The following RAB11FIP3 variants were observed in gnomAD, a reference collection of about 807,000 sequenced individuals.
RAB11FIP3 encodes RAB11 family interacting protein 3.
In RAB11FIP3, 17 loss-of-function variants were observed where a neutral mutation model predicts 77.8. The ratio of observed to expected loss-of-function variants is 0.22; its 90% CI spans 0.15 to 0.33. The LOEUF (loss-of-function observed/expected upper bound fraction) is 0.33, where lower values mean the gene tolerates loss of function less well. Among genes scored for constraint, RAB11FIP3 ranks in the 10% least tolerant of loss-of-function variants. RAB11FIP3 has a pLI of 1.00. For synonymous variants in RAB11FIP3, 437 were observed against 448.2 expected (o/e 0.98, Z 0.31); for missense variants, 1,005 against 1,011.2 (o/e 0.99, Z 0.08).
intron 2 of RAB11FIP3, among the ~76,000 whole-genome samples, chr16:468,132 A>T (rs370147053): frequency 5.5e-3 from 96 of 17,476 alleles, no homozygotes; most frequent in Non-Finnish European, 5.8e-3. Flanking sequence ...GAGGAGGTGC[A>T]GGGGCCTCAG....
intron 10 of RAB11FIP3, 79 bp from the exon 11 acceptor site, chr16:519,675 G>A: frequency 6.5e-7 from 1 of 1,549,912 alleles, no homozygotes; most frequent in South Asian, 1.2e-5. Flanking sequence ...TCAGAGATTG[G>A]AGGGACAGAC....
intron 5 of RAB11FIP3, among the ~76,000 whole-genome samples, chr16:493,872 T>C (rs1434813280): frequency 7.0e-6 from 1 of 143,374 alleles, no homozygotes; most frequent in African/African-American, 2.6e-5. Flanking sequence ...GATTACAGGC[T>C]GAGCCACTGC....
intron 1 of RAB11FIP3, among the ~76,000 whole-genome samples, chr16:454,346 GTTGGAGGA>G: frequency 6.6e-6 from 1 of 152,310 alleles, no homozygotes; most frequent in East Asian, 1.9e-4. Flanking sequence ...CTGGAGGTCA[GTTGGAGGA>G]TTGCTGGAGT....
At position 519,803 on chromosome 16, in the gene RAB11FIP3, G is replaced by A. The variant is rs1178734040; in HGVS notation, c.1772G>A (p.Ser591Asn). The change falls in exon 11 of 14, where the codon AGT becomes AAT. Residue 591 changes from serine to asparagine, a missense_variant. By Grantham distance (46) the Ser-to-Asn change is conservative. Around this residue, in one of 4 missense-constraint regions of RAB11FIP3, gnomAD observed 433 missense variants for 436.1 expected, o/e 0.99. Coordinates refer to ENST00000262305, the MANE Select transcript of RAB11FIP3 (RefSeq NM_014700.4). ...ATAGAGTCGCTGACGCTGCGGCTCA[G>A]TGAAGAGCAGGAGAACAAGAGGAGA... Reference protein sequence around the residue: ...DEIESLTLRLSEEQENKRRMG... With the variant: ...DEIESLTLRLNEEQENKRRMG... 1 of 1,609,580 alleles carries A rather than the reference G, an allele frequency of 6.2e-7. No individual in the cohort carries two copies. Among genetic ancestry groups the A allele is most frequent in the African/African-American group, 1.3e-5 (1 of 74,884 alleles).
chr16:505,686 G>T lies in RAB11FIP3; in HGVS notation c.1499+59G>T. ...TGGCGCCTCCTGTGCCCGCCTGTCA[G>T]CCCCCATTTACTTCTCTTTACCTCA... On this transcript the variant is annotated intron_variant, in intron 8 of 13. Transcript: ENST00000262305. This position sits in a 1 kb window ranked among gnomAD's most constrained non-coding sequence, Gnocchi z 4.0. The T allele has an allele frequency of 7.1e-7, 1 of 1,401,544 alleles. No individual in the cohort carries two copies. Among genetic ancestry groups the T allele is most frequent in the Non-Finnish European group, 9.7e-7 (1 of 1,030,896 alleles). The allele number at this position is 1,401,544 out of a possible 1,614,324, so 86.8% of individuals were successfully genotyped here.
At chr16:449,215 C>T (rs1046048086) in intron 1 of RAB11FIP3, among the ~76,000 whole-genome samples, 3 of 152,184 alleles carry the variant, frequency 2.0e-5, no homozygotes, top group Non-Finnish European at 2.9e-5. Flanking sequence ...TAGCTATTCC[C>T]TCTGCCTGGA....
Position 461,566 on chromosome 16 carries a change from C to T in RAB11FIP3, c.808+69C>T. The T allele has an allele frequency of 1.6e-6, 2 of 1,276,144 alleles. No homozygotes were observed. The highest frequency in any genetic ancestry group is 2.3e-6 in the Non-Finnish European group (2 of 878,308). The allele number at this position is 1,276,144 out of a possible 1,614,324, so 79.1% of individuals were successfully genotyped here. ...TCAGCCACCCTCTCAGCCACCTGCA[C>T]ATCACCAGGCTCCTCGTGCTGACTC... On this transcript the variant is annotated intron_variant, in intron 2 of 13. Transcript: ENST00000262305. This position sits in a 1 kb window ranked among gnomAD's most constrained non-coding sequence, Gnocchi z 4.5.
chr16:482,795 T>C, intron 4 of RAB11FIP3, 59 bp downstream of exon 4: 1 of 1,510,036 alleles, frequency 6.6e-7, no homozygotes, highest in Non-Finnish European at 8.9e-7. Context: ...CCTGTGGAGG[T>C]GTCTGATGGG....
intron 1 of RAB11FIP3, among the ~76,000 whole-genome samples, chr16:430,597 C>T (rs2055020360): frequency 6.6e-6 from 1 of 152,168 alleles, no homozygotes; most frequent in Non-Finnish European, 1.5e-5. Flanking sequence ...CTCTGTCACC[C>T]AGTCTGAAGT....
intron 3 of RAB11FIP3, among the ~76,000 whole-genome samples, chr16:480,539 G>A (rs557564078): frequency 1.9e-4 from 29 of 151,900 alleles, no homozygotes; most frequent in Admixed American, 9.8e-4. Context: ...TTGCTCTGTC[G>A]CCCAGGCTGG....
chr16:431,991 G>A (rs1206992600), intron 1 of RAB11FIP3, among the ~76,000 whole-genome samples: 1 of 151,826 alleles, frequency 6.6e-6, no homozygotes, highest in Admixed American at 6.6e-5. Context: ...TCTCCTGACC[G>A]CATGATCCGC....
At position 518,937 on chromosome 16, in the gene RAB11FIP3, TC is replaced by T; in HGVS notation, c.1641-3del. 1 of 1,613,422 alleles carries T rather than the reference TC, an allele frequency of 6.2e-7. No individual in the cohort carries two copies. Among genetic ancestry groups the T allele is most frequent in the Non-Finnish European group, 8.5e-7 (1 of 1,179,848 alleles). On this transcript the variant is annotated splice_region_variant and splice_polypyrimidine_tract_variant and intron_variant, in intron 9 of 13. Transcript: ENST00000262305. The stretch of plus-strand genomic sequence containing the variant: ...AGTGAGTTTCAGCTTTGTTCTTGTG[TC>T]CCAGGCTACAGCAACTGGACGAGGA...
chr16:512,331 C>T (rs1239504033), intron 9 of RAB11FIP3, among the ~76,000 whole-genome samples: 1 of 151,820 alleles, frequency 6.6e-6, no homozygotes, highest in Non-Finnish European at 1.5e-5. Context: ...AGCTCTGCCT[C>T]CCGGGTTCAC....
At position 520,871 on chromosome 16, in the gene RAB11FIP3, GGACTCCAACACCCTGGAGTGGTTCCGT is replaced by G; in HGVS notation, c.*33_*59del. ...GAAGGTCCAGCCTGAGCTGGATTCG[GGACTCCAACACCCTGGAGTGGTTCCGT>G]CAGACCATGAGGAGCCAAGACCAGC... On this transcript the variant is annotated 3_prime_UTR_variant, in exon 14 of 14. Transcript: ENST00000262305. 6.4e-7 allele frequency: 1 copy of G among 1,566,060 alleles called. No homozygotes were observed. The highest frequency in any genetic ancestry group is 8.8e-7 in the Non-Finnish European group (1 of 1,137,268).
intron 8 of RAB11FIP3, chr16:510,348 C>T (rs907647413): frequency 1.3e-5 from 4 of 311,574 alleles, no homozygotes; most frequent in South Asian, 4.9e-5. Flanking sequence ...AGTTACCTGG[C>T]GGGCTCAGGC....
At chr16:497,387 G>A in intron 6 of RAB11FIP3, 3 of 1,291,450 alleles carry the variant, frequency 2.3e-6, no homozygotes, top group Non-Finnish European at 3.0e-6. Context: ...AACATGCAGG[G>A]TTAAGGCCCT....
intron 1 of RAB11FIP3, among the ~76,000 whole-genome samples, chr16:443,754 C>T (rs901412976): frequency 2.0e-5 from 3 of 152,290 alleles, no homozygotes; most frequent in East Asian, 1.9e-4. Context: ...TTAGTAGAGA[C>T]GGGGTTTCAC....
Position 505,650 on chromosome 16 carries a change from G to GGGCCTCTGCGT in RAB11FIP3, c.1499+27_1499+37dup, listed in dbSNP as rs1193624367. 6.4e-7 allele frequency: 1 copy of GGGCCTCTGCGT among 1,554,050 alleles called. No individual in the cohort carries two copies. The stretch of plus-strand genomic sequence containing the variant: ...CAGGTGAGCCTGGGCCAGGAGACCC[G>GGGCCTCTGCGT]GGCCTCTGCGTGGCGCCTCCTGTGC... On this transcript the variant is annotated intron_variant, in intron 8 of 13. Transcript: ENST00000262305. This position sits in a 1 kb window ranked among gnomAD's most constrained non-coding sequence, Gnocchi z 4.0.
intron 2 of RAB11FIP3, among the ~76,000 whole-genome samples, chr16:463,081 T>A (rs768879092): frequency 6.6e-6 from 1 of 152,206 alleles, no homozygotes; most frequent in African/African-American, 2.4e-5. Flanking sequence ...TTCTTCACAG[T>A]GGCCGTGCCT....
Sources: gnomAD v4.1 joint callset for allele counts (sites outside exome capture counted in the v4.1 genomes callset) on GRCh38, gnomAD v4.1.1 for gene constraint, gnomAD v4.1.1 regional missense constraint, Gnocchi (gnomAD v3.1) non-coding constraint, MANE v1.5 for transcripts, NCBI Gene and HGNC (gene_info 2026-07-23, HGNC 2026-07-21) for gene names.